SAV1: variants seen among roughly 807,000 people sequenced by gnomAD.
SAV1 encodes the protein protein salvador homolog 1.
A neutral mutation model predicts 47.3 loss-of-function variants in SAV1; 23 were observed. That is an observed-to-expected ratio of 0.49 (90% CI 0.35 to 0.69). The LOEUF is 0.69. Among genes scored for constraint, SAV1 ranks in the 30% least tolerant of loss-of-function variants. The pLI is 0.01. For synonymous variants in SAV1, 155 were observed against 159.2 expected (o/e 0.97, Z 0.20); for missense variants, 448 against 457.4 (o/e 0.98, Z 0.19).
chr14:50,661,762 C>G (rs966837304), intron 2 of SAV1, among the ~76,000 whole-genome samples: 1 of 152,130 alleles, frequency 6.6e-6, no homozygotes, highest in African/African-American at 2.4e-5. Flanking sequence ...GGATTTATTT[C>G]TGCATTACCT....
intron 2 of SAV1, among the ~76,000 whole-genome samples, chr14:50,650,928 C>T (rs1407178282): frequency 1.3e-5 from 2 of 151,852 alleles, no homozygotes; most frequent in African/African-American, 4.8e-5. Flanking sequence ...GAGGCTGAGG[C>T]AGGAGAACAC....
intron 2 of SAV1, among the ~76,000 whole-genome samples, chr14:50,646,555 G>A (rs546429221): frequency 9.7e-4 from 147 of 152,070 alleles, no homozygotes; most frequent in Non-Finnish European, 1.8e-3. Flanking sequence ...GCGTGGTGGC[G>A]GACGCCTGTA....
At chr14:50,649,599 A>C (rs1234269743) in intron 2 of SAV1, among the ~76,000 whole-genome samples, 2 of 152,228 alleles carry the variant, frequency 1.3e-5, no homozygotes. Context: ...TAAATCTGTT[A>C]GCCACTAGGC....
At chr14:50,642,047 T>C (rs2039684443) in intron 3 of SAV1, among the ~76,000 whole-genome samples, 1 of 152,070 alleles carries the variant, frequency 6.6e-6, no homozygotes, top group African/African-American at 2.4e-5. Flanking sequence ...AACAAGAGCA[T>C]GTAGTCTGCA....
intron 3 of SAV1, among the ~76,000 whole-genome samples, chr14:50,642,326 T>C (rs895793442): frequency 6.6e-6 from 1 of 151,830 alleles, no homozygotes; most frequent in Admixed American, 6.6e-5. Flanking sequence ...CCGTCTCTAC[T>C]AAAAATACAA....
At chr14:50,655,895 CTT>C (rs2039808209) in intron 2 of SAV1, among the ~76,000 whole-genome samples, 1 of 151,976 alleles carries the variant, frequency 6.6e-6, no homozygotes, top group Non-Finnish European at 1.5e-5. Context: ...AAAATACAAA[CTT>C]AGCCGGGCAT....
At chr14:50,642,700 T>C (rs1250333425) in intron 3 of SAV1, among the ~76,000 whole-genome samples, 1 of 152,134 alleles carries the variant, frequency 6.6e-6, no homozygotes, top group African/African-American at 2.4e-5. Flanking sequence ...ATGTGTATAT[T>C]AGAAAAGGTC....
chr14:50,647,036 G>A (rs1304308793), intron 2 of SAV1, among the ~76,000 whole-genome samples: 1 of 151,986 alleles, frequency 6.6e-6, no homozygotes, highest in African/African-American at 2.4e-5. Context: ...GCAACAACTG[G>A]ACATCCATAT....
intron 2 of SAV1, among the ~76,000 whole-genome samples, chr14:50,645,339 C>T (rs572115118): frequency 2.6e-5 from 4 of 152,176 alleles, no homozygotes; most frequent in African/African-American, 7.2e-5. Flanking sequence ...TCCAAAACTT[C>T]GAGAGCTGAC....
chr14:50,665,663 A>G, intron 1 of SAV1, 44 bp from the exon 2 acceptor site: 1 of 1,496,344 alleles, frequency 6.7e-7, no homozygotes, highest in Non-Finnish European at 8.9e-7. Context: ...ATCATTAAGT[A>G]ACAAAAGTTT....
At chr14:50,663,935 T>TGCCTG (rs2039880273) in intron 2 of SAV1, among the ~76,000 whole-genome samples, 1 of 152,222 alleles carries the variant, frequency 6.6e-6, no homozygotes, top group Non-Finnish European at 1.5e-5. Flanking sequence ...ATTTAAACCA[T>TGCCTG]GCCTACTCTG....
intron 2 of SAV1, among the ~76,000 whole-genome samples, chr14:50,648,639 G>C (rs1344115876): frequency 6.6e-6 from 1 of 151,968 alleles, no homozygotes; most frequent in Admixed American, 6.6e-5. Context: ...TTAGCTGGGC[G>C]TGGTGGCGGG....
chr14:50,645,047 C>G (rs758641788), intron 2 of SAV1, 33 bp from the exon 3 acceptor site: 2 of 1,577,294 alleles, frequency 1.3e-6, no homozygotes, highest in Admixed American at 3.5e-5. Context: ...AGAGAAGAAA[C>G]AGAACAATTA....
chr14:50,660,663 C>G (rs2039851258), intron 2 of SAV1, among the ~76,000 whole-genome samples: 1 of 152,190 alleles, frequency 6.6e-6, no homozygotes, highest in South Asian at 2.1e-4. Context: ...AAAATGTTAA[C>G]TGTAGTTACC....
rs141450304 is a variant in SAV1, at chr14:50,636,234, A to C, written c.951-850T>G. ...TGTCAGGAACTTAAGAATACTTTAG[A>C]CCATATTGTGCTTGCAAATGATAAT... On this transcript the variant is annotated intron_variant, in intron 4 of 4. Coordinates refer to ENST00000324679, the MANE Select transcript of SAV1 (RefSeq NM_021818.4). 4.3e-3 allele frequency among the ~76,000 whole-genome samples: 659 copies of C among 152,298 alleles called. 5 individuals are homozygous for C. The highest frequency in any genetic ancestry group is 7.2e-3 in the Non-Finnish European group (493 of 68,022).
At chr14:50,653,190 A>T (rs370242950) in intron 2 of SAV1, among the ~76,000 whole-genome samples, 2 of 152,184 alleles carry the variant, frequency 1.3e-5, no homozygotes, top group Admixed American at 1.3e-4. Context: ...AATGCAGTAC[A>T]CTCTGGAATG....
Position 50,635,092 on chromosome 14 carries a change from A to T in SAV1, c.*91T>A. On this transcript the variant is annotated 3_prime_UTR_variant, in exon 5 of 5. Coordinates refer to ENST00000324679, the MANE Select transcript of SAV1 (RefSeq NM_021818.4). ...ATTTTATAATTTCCACAAAGGAAGC[A>T]GCATTTATTAACCAGAGTACTTGTT... is the stretch of plus-strand genomic sequence containing the variant. 4 of 820,432 alleles carry T rather than the reference A, an allele frequency of 4.9e-6. No homozygotes were observed. Among genetic ancestry groups the T allele is most frequent in the Non-Finnish European group, 7.8e-6 (4 of 509,888 alleles). The allele number at this position is 820,432 out of a possible 1,614,324, so 50.8% of individuals were successfully genotyped here.
chr14:50,645,695 AAAT>A (rs1315349604), intron 2 of SAV1, among the ~76,000 whole-genome samples: 6 of 113,336 alleles, frequency 5.3e-5, no homozygotes, highest in Non-Finnish European at 1.2e-4. Context: ...GGGAAAAAGA[AAAT>A]TTCCCCTGAT....
Position 50,667,985 on chromosome 14 carries a change from G to A in SAV1, c.-18C>T, listed in dbSNP as rs2039918627. The A allele has an allele frequency of 1.9e-6, 3 of 1,604,188 alleles. No individual in the cohort carries two copies. Among genetic ancestry groups the A allele is most frequent in the Non-Finnish European group, 1.7e-6 (2 of 1,175,500 alleles). On this transcript the variant is annotated 5_prime_UTR_variant, in exon 1 of 5. Coordinates refer to ENST00000324679, the MANE Select transcript of SAV1 (RefSeq NM_021818.4). ...GACAGCATCCTTCTCGACGAGGCCC[G>A]AGGCCGCGCTGAACTGCCTCCCTAG...
Sources: allele counts gnomAD v4.1 joint callset (sites outside exome capture counted in the v4.1 genomes callset), GRCh38; gene constraint gnomAD v4.1.1; transcripts MANE v1.5; gene names NCBI Gene and HGNC (gene_info 2026-07-23, HGNC 2026-07-21).